The following B3GALT1 variants were observed in gnomAD, a reference collection of about 807,000 sequenced individuals.
The protein encoded by B3GALT1 is UDP-Gal:betaGlcNAc beta 1,3-galactosyltransferase, polypeptide 1.
Under a neutral mutation model 23.2 loss-of-function variants are expected in B3GALT1, and 10 were observed. The observed-to-expected ratio is 0.43, with a 90% CI of 0.27 to 0.73. The LOEUF is 0.73. Ranked by LOEUF, B3GALT1 falls within the 30% of genes least tolerant of loss-of-function variation. The pLI is 0.21. For synonymous variants in B3GALT1, 156 were observed against 141.5 expected, an observed-to-expected ratio of 1.10 and a Z score of -0.73; for missense variants, 299 against 405.4, an observed-to-expected ratio of 0.74 and a Z score of 2.25.
intron 2 of B3GALT1, among the ~76,000 whole-genome samples, chr2:167,571,882 A>C (rs538543148): frequency 1.3e-5 from 2 of 152,022 alleles, no homozygotes; most frequent in African/African-American, 4.8e-5. Context: ...AATTATAACT[A>C]TGGAAACAAT....
At chr2:167,321,220 G>A (rs1430211937) in intron 1 of B3GALT1, among the ~76,000 whole-genome samples, 2 of 152,032 alleles carry the variant, frequency 1.3e-5, no homozygotes, top group Non-Finnish European at 2.9e-5. Context: ...GAAAGGGTAT[G>A]TATTGAAGTG....
intron 1 of B3GALT1, among the ~76,000 whole-genome samples, chr2:167,303,441 G>A (rs757894995): frequency 6.6e-6 from 1 of 151,994 alleles, no homozygotes; most frequent in Non-Finnish European, 1.5e-5. Flanking sequence ...TAGGTAGCTG[G>A]TAAAACATTA....
intron 4 of B3GALT1, among the ~76,000 whole-genome samples, chr2:167,853,532 G>A (rs1689944002): frequency 6.6e-6 from 1 of 151,926 alleles, no homozygotes; most frequent in Non-Finnish European, 1.5e-5. Flanking sequence ...CTCCTTAAAG[G>A]TAGGAAATTT....
intron 1 of B3GALT1, among the ~76,000 whole-genome samples, chr2:167,369,062 TG>T (rs1210476394): frequency 0.22 from 99 of 454 alleles, 1 homozygote; most frequent in East Asian, 0.5. Context: ...AACTCTTATT[TG>T]TGTGTGTGTG....
At chr2:167,784,348 A>AT (rs77632068) in intron 3 of B3GALT1, among the ~76,000 whole-genome samples, 25,861 of 152,062 alleles carry the variant, frequency 0.17, 2,577 homozygotes, top group Non-Finnish European at 0.23. Flanking sequence ...CAGCCATGTC[A>AT]TTTTTTTCAT....
At chr2:167,454,075 G>T (rs1699130231) in intron 1 of B3GALT1, among the ~76,000 whole-genome samples, 1 of 152,184 alleles carries the variant, frequency 6.6e-6, no homozygotes, top group African/African-American at 2.4e-5. Context: ...TCATAATCAT[G>T]TCTAGGTTGT....
intron 1 of B3GALT1, among the ~76,000 whole-genome samples, chr2:167,306,677 T>C (rs1392300779): frequency 1.3e-5 from 2 of 152,038 alleles, no homozygotes; most frequent in Non-Finnish European, 2.9e-5. Context: ...GTTCTTTCAT[T>C]GTCTTCTATG....
intron 3 of B3GALT1, among the ~76,000 whole-genome samples, chr2:167,806,293 C>T (rs191175159): frequency 0.036 from 5,416 of 152,212 alleles, 157 homozygotes; most frequent in South Asian, 0.068. Context: ...ATTTGACTTC[C>T]TCTTTTCCTA....
chr2:167,686,943 C>T (rs10930277), intron 3 of B3GALT1, among the ~76,000 whole-genome samples: 34,135 of 152,064 alleles, frequency 0.22, 4,559 homozygotes, highest in Admixed American at 0.3. Flanking sequence ...TGAAGTGGAC[C>T]CACATCCAGA....
Position 167,509,983 on chromosome 2 carries a change from C to T in B3GALT1, c.-410+19706C>T, listed in dbSNP as rs138081108. 4.1e-3 allele frequency among the ~76,000 whole-genome samples: 619 copies of T among 152,022 alleles called. 3 individuals carry two copies. Among genetic ancestry groups the T allele is most frequent in the African/African-American group, 0.014 (592 of 41,464 alleles). ...GAGATGAGAATGGTGTACTGAGAAG[C>T]GAGAAAAGTAGGAGACAAGCAGATA... On this transcript the variant is annotated intron_variant, in intron 2 of 4. Transcript: ENST00000392690.
At chr2:167,833,349 G>A (rs1028787544) in intron 4 of B3GALT1, among the ~76,000 whole-genome samples, 26 of 152,132 alleles carry the variant, frequency 1.7e-4, no homozygotes, top group African/African-American at 5.8e-4. Context: ...TCCTGCAGAG[G>A]TTATGAATAT....
chr2:167,333,907 G>A (rs1697015821), intron 1 of B3GALT1, among the ~76,000 whole-genome samples: 1 of 151,808 alleles, frequency 6.6e-6, no homozygotes, highest in African/African-American at 2.4e-5. Context: ...GTGGCACCGA[G>A]AAACCTTCTT....
At chr2:167,589,143 C>T (rs1243773356) in intron 2 of B3GALT1, among the ~76,000 whole-genome samples, 1 of 152,000 alleles carries the variant, frequency 6.6e-6, no homozygotes, top group Non-Finnish European at 1.5e-5. Flanking sequence ...ATAGGGTCTC[C>T]TTATATTGCC....
At chr2:167,782,283 G>T (rs75337632) in intron 3 of B3GALT1, among the ~76,000 whole-genome samples, 1 of 152,184 alleles carries the variant, frequency 6.6e-6, no homozygotes, top group African/African-American at 2.4e-5. Flanking sequence ...GAGGAACGGC[G>T]ATGCCCCTGG....
In B3GALT1 at chr2:167,358,863, C is replaced by T. The variant is rs113673211; in HGVS notation, c.-511+65529C>T. Among the ~76,000 whole-genome samples, 824 of 152,162 alleles carry T rather than the reference C, an allele frequency of 5.4e-3. 9 individuals are homozygous for T. Among genetic ancestry groups the T allele is most frequent in the African/African-American group, 0.019 (780 of 41,516 alleles). ...CTGTCACCAGGCTGGAGTGCAGTGG[C>T]GCAATCTTGGCTCACTGCAACCTCT... On this transcript the variant is annotated intron_variant, in intron 1 of 4. Coordinates refer to ENST00000392690, the MANE Select transcript of B3GALT1 (RefSeq NM_020981.4).
At chr2:167,522,737 A>G (rs1025561865) in intron 2 of B3GALT1, among the ~76,000 whole-genome samples, 1 of 152,222 alleles carries the variant, frequency 6.6e-6, no homozygotes, top group African/African-American at 2.4e-5. Context: ...TGAAGTCCCT[A>G]TCTAACCTTC....
intron 2 of B3GALT1, among the ~76,000 whole-genome samples, chr2:167,578,199 T>C (rs1684418429): frequency 6.6e-6 from 1 of 151,932 alleles, no homozygotes; most frequent in Non-Finnish European, 1.5e-5. Flanking sequence ...GAAAGGGCCA[T>C]TCAGATATCA....
At chr2:167,398,428 T>C (rs1254508787) in intron 1 of B3GALT1, among the ~76,000 whole-genome samples, 1 of 152,084 alleles carries the variant, frequency 6.6e-6, no homozygotes, top group East Asian at 1.9e-4. Flanking sequence ...TTTATCTCTA[T>C]TGCTATCTCT....
chr2:167,834,526 T>C (rs1157431856), intron 4 of B3GALT1, among the ~76,000 whole-genome samples: 1 of 152,226 alleles, frequency 6.6e-6, no homozygotes, highest in Non-Finnish European at 1.5e-5. Context: ...GCTGGCTCTT[T>C]TACTTTGGTT....
Sources: gnomAD v4.1 joint callset for allele counts (sites outside exome capture counted in the v4.1 genomes callset) on GRCh38, gnomAD v4.1.1 for gene constraint, MANE v1.5 for transcripts, NCBI Gene and HGNC (gene_info 2026-07-23, HGNC 2026-07-21) for gene names.